The following TCF20 variants were observed in gnomAD, a reference collection of about 807,000 sequenced individuals.
The protein encoded by TCF20 is transcription factor 20, also known as SPRE-binding protein.
TCF20 carries 3 observed loss-of-function variants against 148.6 expected under a neutral mutation model. The ratio of observed to expected loss-of-function variants is 0.02; its 90% CI spans 0.01 to 0.05. The LOEUF is 0.05. TCF20 is among the 10% of genes least tolerant of loss of function. The pLI, the probability that TCF20 is intolerant of heterozygous loss-of-function variation, is 1.00. For missense variants in TCF20, 2,350 were observed against 2,429.3 expected, an observed-to-expected ratio of 0.97 and a Z score of 0.69; for synonymous variants, 1,049 against 909.5, an observed-to-expected ratio of 1.15 and a Z score of -2.76.
At chr22:42,284,503 G>T (rs1926987159), upstream of TCF20, among the ~76,000 whole-genome samples, 1 of 152,238 alleles carries the variant, frequency 6.6e-6, no homozygotes, top group Non-Finnish European at 1.5e-5. Context: ...GCATCTCTGA[G>T]GCTGCAGAGC....
intron 1 of TCF20, among the ~76,000 whole-genome samples, chr22:42,293,337 C>T (rs1351755416): frequency 1.3e-5 from 2 of 152,194 alleles, no homozygotes; most frequent in Non-Finnish European, 2.9e-5. Flanking sequence ...GGGTGCCAAA[C>T]AAAAAGGGCA....
intron 1 of TCF20, among the ~76,000 whole-genome samples, chr22:42,244,982 T>C (rs960749847): frequency 3.3e-5 from 5 of 151,986 alleles, no homozygotes; most frequent in African/African-American, 7.3e-5. Context: ...ACTGGGGTGG[T>C]TGAGGCACAA....
At chr22:42,187,409 ATTTG>A (rs996970009) in intron 2 of TCF20, among the ~76,000 whole-genome samples, 19 of 152,312 alleles carry the variant, frequency 1.2e-4, no homozygotes, top group African/African-American at 4.3e-4. Context: ...CCTGACAAGT[ATTTG>A]TTTCTTTGGG....
chr22:42,203,295 G>A (rs557013452), intron 2 of TCF20, among the ~76,000 whole-genome samples: 14 of 152,134 alleles, frequency 9.2e-5, no homozygotes, highest in African/African-American at 3.1e-4. Context: ...ACAAGCATAA[G>A]CCACCTTGCC....
chr22:42,217,653 G>A (rs1921945830), intron 1 of TCF20, among the ~76,000 whole-genome samples: 1 of 152,210 alleles, frequency 6.6e-6, no homozygotes, highest in Admixed American at 6.5e-5. Flanking sequence ...AGATGGTGCT[G>A]TGGGAGTGAC....
chr22:42,270,566 T>C lies in TCF20; in HGVS notation c.-264A>G, dbSNP rs1478101777. ...AGGCGCGCCTCAGGGCGGGCTCCCC[T>C]GGCGGAGGCCGCGGCCGCCTCGCAG... On this transcript the variant is annotated 5_prime_UTR_variant, in exon 1 of 6. Coordinates refer to ENST00000677622, the MANE Select transcript of TCF20 (RefSeq NM_001378418.1). Among the ~76,000 whole-genome samples, 1 of 142,332 alleles carries C rather than the reference T, an allele frequency of 7.0e-6. No homozygotes were observed. Among genetic ancestry groups the C allele is most frequent in the Non-Finnish European group, 1.5e-5 (1 of 64,816 alleles). 93.4% of individuals were successfully genotyped at this position (142,332 alleles called of 152,430 possible).
chr22:42,161,995 T>TTTTTTGA (rs1935494846), intron 5 of TCF20, among the ~76,000 whole-genome samples: 1 of 138,298 alleles, frequency 7.2e-6, no homozygotes, highest in Non-Finnish European at 1.5e-5. Context: ...TTTTTTTTTT[T>TTTTTTGA]TTTTTGAGAC....
At chr22:42,166,924 G>A (rs771866340) in intron 5 of TCF20, among the ~76,000 whole-genome samples, 1 of 152,196 alleles carries the variant, frequency 6.6e-6, no homozygotes, top group African/African-American at 2.4e-5. Context: ...CCTCAGGAGC[G>A]TAGGGACATG....
intron 1 of TCF20, among the ~76,000 whole-genome samples, chr22:42,304,013 G>A (rs578197308): frequency 1.3e-5 from 2 of 152,186 alleles, no homozygotes; most frequent in Admixed American, 6.5e-5. Flanking sequence ...CTGTGCCCGG[G>A]AAGGTCTGCC....
At chr22:42,194,240 C>T (rs1179732761) in intron 2 of TCF20, among the ~76,000 whole-genome samples, 2 of 152,092 alleles carry the variant, frequency 1.3e-5, no homozygotes, top group South Asian at 2.1e-4. Flanking sequence ...GGCATATTCA[C>T]CTTAAATGGA....
intron 1 of TCF20, among the ~76,000 whole-genome samples, chr22:42,318,337 C>T (rs986794392): frequency 5.3e-5 from 8 of 152,186 alleles, no homozygotes; most frequent in African/African-American, 1.7e-4. Flanking sequence ...CCCCCAGCCC[C>T]ACCCCAAAAA....
In TCF20 at chr22:42,213,417, T is replaced by A. The variant is rs921515928; in HGVS notation, c.1889A>T (p.Asp630Val). The change falls in exon 2 of 6, where the codon GAT becomes GTT. Residue 630 changes from aspartate to valine, a missense_variant. Physicochemically the swap from Asp to Val is radical, Grantham distance 152. Transcript: ENST00000677622. Reference sequence around the variant, plus strand: ...TGGCCTTTGAGTGGCTGCAGGATCATCCTCTTGGGAGCCTTTATCTTGTCC... The same window carrying A: ...TGGCCTTTGAGTGGCTGCAGGATCAACCTCTTGGGAGCCTTTATCTTGTCC... Reference protein sequence around the residue: ...PGGQDKGSQEDDPAATQRPPS... With the variant: ...PGGQDKGSQEVDPAATQRPPS... 6 of 1,614,176 alleles carry A rather than the reference T, an allele frequency of 3.7e-6. No individual in the cohort carries two copies. The highest frequency in any genetic ancestry group is 1.7e-5 in the Admixed American group (1 of 60,028).
At chr22:42,255,036 C>T in intron 1 of TCF20, among the ~76,000 whole-genome samples, 1 of 150,354 alleles carries the variant, frequency 6.7e-6, no homozygotes. Context: ...AATCCTGGCT[C>T]TGCTACTTAA....
At position 42,214,240 on chromosome 22, in the gene TCF20, A is replaced by G; in HGVS notation, c.1066T>C (p.Ser356Pro). Residue 356 changes from serine to proline, a missense_variant, in exon 2 of 6, where the codon TCC becomes CCC. Ser to Pro is a moderately conservative substitution (Grantham distance 74, BLOSUM62 -1). Around this residue, in one of 7 missense-constraint regions of TCF20, gnomAD observed 1,641 missense variants for 1,662.6 expected, o/e 0.99. Transcript: ENST00000677622. ...QYNQPEVPVR[S>P]PMQFHQNFSP... The stretch of plus-strand genomic sequence containing the variant: ...AAGTTCTGGTGAAACTGCATGGGGG[A>G]CCTCACAGGAACCTCAGGCTGGTTG... 1 of 1,614,080 alleles carries G rather than the reference A, an allele frequency of 6.2e-7. No homozygotes were observed. Among genetic ancestry groups the G allele is most frequent in the Non-Finnish European group, 8.5e-7 (1 of 1,180,026 alleles).
In TCF20 at chr22:42,215,123, T is replaced by G; in HGVS notation, c.183A>C (p.Gly61=). 1 of 1,614,068 alleles carries G rather than the reference T, an allele frequency of 6.2e-7. No homozygotes were observed. The highest frequency in any genetic ancestry group is 8.5e-7 in the Non-Finnish European group (1 of 1,179,984). ...CCATCGCTGCCGCAGCAGCTGCTGC[T>G]CCTCGTCGTCCACCACCACTGCCAC... ...SGSGSGGGRR[G]AAAAAAAMAS... The change falls in exon 2 of 6, where the codon GGA becomes GGC. Residue 61 remains glycine, a synonymous_variant. Coordinates refer to ENST00000677622, the MANE Select transcript of TCF20 (RefSeq NM_001378418.1).
At chr22:42,226,523 G>A (rs1922910788) in intron 1 of TCF20, among the ~76,000 whole-genome samples, 2 of 151,698 alleles carry the variant, frequency 1.3e-5, no homozygotes, top group Non-Finnish European at 2.9e-5. Flanking sequence ...TGGCCAACAT[G>A]GTGAAATGCT....
At chr22:42,266,394 A>G (rs1926288687) in intron 1 of TCF20, among the ~76,000 whole-genome samples, 1 of 152,254 alleles carries the variant, frequency 6.6e-6, no homozygotes, top group African/African-American at 2.4e-5. Flanking sequence ...TATGAAAGGT[A>G]GGTTGGACTC....
chr22:42,331,915 C>T (rs1365615881), intron 1 of TCF20, among the ~76,000 whole-genome samples: 1 of 152,326 alleles, frequency 6.6e-6, no homozygotes, highest in East Asian at 1.9e-4. Context: ...AGAGTACAGG[C>T]TTTAGAGACA....
intron 5 of TCF20, among the ~76,000 whole-genome samples, chr22:42,166,923 C>T (rs570322468): frequency 2.0e-4 from 30 of 152,306 alleles, no homozygotes; most frequent in Non-Finnish European, 3.8e-4. Flanking sequence ...CCCTCAGGAG[C>T]GTAGGGACAT....
Sources: gnomAD v4.1 joint callset for allele counts (sites outside exome capture counted in the v4.1 genomes callset) on GRCh38, gnomAD v4.1.1 for gene constraint, gnomAD v4.1.1 regional missense constraint, MANE v1.5 for transcripts, NCBI Gene and HGNC (gene_info 2026-07-23, HGNC 2026-07-21) for gene names.